WASF1: variants seen among roughly 807,000 people sequenced by gnomAD.
WASF1 encodes actin-binding protein WASF1.
Under a neutral mutation model 50.5 loss-of-function variants are expected in WASF1, and 7 were observed. That is an observed-to-expected ratio of 0.14 (90% CI 0.08 to 0.26). The LOEUF is 0.26. Among genes scored for constraint, WASF1 ranks in the 10% least tolerant of loss-of-function variants. The pLI, the probability that WASF1 is intolerant of heterozygous loss-of-function variation, is 1.00. For missense variants in WASF1, 470 were observed against 694.7 expected, an observed-to-expected ratio of 0.68 and a Z score of 3.64; for synonymous variants, 205 against 244.0, an observed-to-expected ratio of 0.84 and a Z score of 1.49.
chr6:110,119,626 T>C (rs1036034728), intron 4 of WASF1, among the ~76,000 whole-genome samples: 1 of 152,198 alleles, frequency 6.6e-6, no homozygotes, highest in Non-Finnish European at 1.5e-5. Flanking sequence ...GAAGAGCTGG[T>C]ACCATTCCTT....
chr6:110,167,895 A>C (rs1020002077), intron 2 of WASF1, among the ~76,000 whole-genome samples: 1 of 152,004 alleles, frequency 6.6e-6, no homozygotes, highest in Non-Finnish European at 1.5e-5. Flanking sequence ...ACCAAAACAA[A>C]TATTTGTTTA....
intron 2 of WASF1, among the ~76,000 whole-genome samples, chr6:110,161,977 A>C (rs1776277481): frequency 6.6e-6 from 1 of 151,620 alleles, no homozygotes; most frequent in South Asian, 2.1e-4. Flanking sequence ...ATGAGTTTAA[A>C]TAAATCTAAA....
chr6:110,124,268 CTCTCTCTA>C (rs1331935496), intron 4 of WASF1, among the ~76,000 whole-genome samples: 8 of 59,226 alleles, frequency 1.4e-4, no homozygotes, highest in African/African-American at 6.6e-4. Flanking sequence ...CTCTCTCTCT[CTCTCTCTA>C]TATATATATA....
intron 4 of WASF1, 152 bp from the exon 5 acceptor site, chr6:110,113,612 C>T (rs751895941): frequency 1.4e-5 from 10 of 721,246 alleles, no homozygotes; most frequent in African/African-American, 5.5e-5. Context: ...CAACTGGTGA[C>T]CTGTTGAATT....
intron 4 of WASF1, among the ~76,000 whole-genome samples, chr6:110,117,720 C>T (rs1349411318): frequency 2.6e-5 from 4 of 151,960 alleles, no homozygotes; most frequent in South Asian, 2.1e-4. Context: ...GTCAGATTCA[C>T]CAAGGTTGAA....
intron 2 of WASF1, among the ~76,000 whole-genome samples, chr6:110,161,725 A>G (rs1223002740): frequency 6.6e-6 from 1 of 151,526 alleles, no homozygotes; most frequent in Non-Finnish European, 1.5e-5. Flanking sequence ...AATTATTACA[A>G]TGATGTTTAC....
At chr6:110,124,228 T>TCC (rs1562170232) in intron 4 of WASF1, among the ~76,000 whole-genome samples, 9 of 32,088 alleles carry the variant, frequency 2.8e-4, no homozygotes, top group Non-Finnish European at 4.3e-4. Flanking sequence ...CTCTCTCTCC[T>TCC]CTCTCTCCTC....
At chr6:110,142,152 T>C (rs1775272834) in intron 3 of WASF1, among the ~76,000 whole-genome samples, 1 of 152,248 alleles carries the variant, frequency 6.6e-6, no homozygotes, top group South Asian at 2.1e-4. Context: ...CTTGCTTGTT[T>C]CACTCTCCCA....
chr6:110,155,171 A>G (rs1776005863), intron 3 of WASF1, among the ~76,000 whole-genome samples: 1 of 152,100 alleles, frequency 6.6e-6, no homozygotes. Context: ...CTTAATCTAT[A>G]GTTCTCCCTA....
At chr6:110,116,609 A>T (rs1773821914) in intron 4 of WASF1, among the ~76,000 whole-genome samples, 1 of 152,230 alleles carries the variant, frequency 6.6e-6, no homozygotes. Flanking sequence ...TAGTAGAACA[A>T]AAAGCAGCAG....
At chr6:110,124,422 T>A (rs1158679813) in intron 4 of WASF1, among the ~76,000 whole-genome samples, 1 of 150,438 alleles carries the variant, frequency 6.6e-6, no homozygotes, top group Non-Finnish European at 1.5e-5. Context: ...TCTTAGAGTA[T>A]CTGTGTGCCT....
chr6:110,108,203 A>G (rs538508236), intron 6 of WASF1, among the ~76,000 whole-genome samples: 77 of 149,944 alleles, frequency 5.1e-4, no homozygotes, highest in Middle Eastern at 3.5e-3. Flanking sequence ...TTTTGTTAGT[A>G]GGACAGAATT....
chr6:110,148,596 G>T (rs1775685311), intron 3 of WASF1, among the ~76,000 whole-genome samples: 1 of 152,122 alleles, frequency 6.6e-6, no homozygotes, highest in South Asian at 2.1e-4. Flanking sequence ...TCTAGGGTTA[G>T]TAGGGGGTCA....
chr6:110,115,604 AC>A (rs2114482404), intron 4 of WASF1, among the ~76,000 whole-genome samples: 1 of 152,318 alleles, frequency 6.6e-6, no homozygotes, highest in African/African-American at 2.4e-5. Flanking sequence ...CGCAAACATG[AC>A]AGCTCTAATT....
intron 2 of WASF1, among the ~76,000 whole-genome samples, chr6:110,174,643 T>C (rs1480887887): frequency 6.6e-6 from 1 of 152,196 alleles, no homozygotes; most frequent in Non-Finnish European, 1.5e-5. Flanking sequence ...CTTATAGGGC[T>C]ATGATAGCAA....
Position 110,144,229 on chromosome 6 carries a change from T to G in WASF1, c.-29+16406A>C, listed in dbSNP as rs1006522566. Among the ~76,000 whole-genome samples, 7 of 152,250 alleles carry G rather than the reference T, an allele frequency of 4.6e-5. No individual in the cohort carries two copies. In the South Asian group the frequency reaches 1.4e-3, roughly 32 times the overall value. ...TAATGACAAGTGATGATGAGCTTTT[T>G]TTCATATATTTCTTGATGGCATAAA... On this transcript the variant is annotated intron_variant, in intron 3 of 10. Coordinates refer to ENST00000392589, the MANE Select transcript of WASF1 (RefSeq NM_003931.3).
intron 6 of WASF1, 93 bp downstream of exon 6, chr6:110,108,435 G>T: frequency 7.5e-7 from 1 of 1,330,504 alleles, no homozygotes; most frequent in African/African-American, 1.5e-5. Context: ...GTGTTGGCTA[G>T]AACCCCAATG....
intron 3 of WASF1, among the ~76,000 whole-genome samples, chr6:110,147,066 G>A (rs1775597646): frequency 6.6e-6 from 1 of 151,992 alleles, no homozygotes. Flanking sequence ...TGTCACCTGA[G>A]GCCAGGCGCG....
At chr6:110,154,216 T>C (rs1023156836) in intron 3 of WASF1, among the ~76,000 whole-genome samples, 3 of 152,172 alleles carry the variant, frequency 2.0e-5, no homozygotes, top group African/African-American at 7.2e-5. Context: ...AATGTTTTTA[T>C]TTTGTGGTCT....
Sources: gnomAD v4.1 joint callset for allele counts (sites outside exome capture counted in the v4.1 genomes callset) on GRCh38, gnomAD v4.1.1 for gene constraint, MANE v1.5 for transcripts, NCBI Gene and HGNC (gene_info 2026-07-23, HGNC 2026-07-21) for gene names.